C14orf132: variants seen among roughly 807,000 people sequenced by gnomAD.
The protein encoded by C14orf132 is chromosome 14 open reading frame 132.
C14orf132 carries 6 observed loss-of-function variants against 5.8 expected under a neutral mutation model. The observed-to-expected ratio is 1.03, with a 90% CI of 0.57 to 2.04. The LOEUF (loss-of-function observed/expected upper bound fraction) is 2.04, where lower values mean the gene tolerates loss of function less well. Ranked by LOEUF, C14orf132 falls within the 30% of genes most tolerant of loss-of-function variation. C14orf132 has a pLI of 0.00. For missense variants in C14orf132, 125 were observed against 115.8 expected (o/e 1.08, Z -0.37); for synonymous variants, 51 against 49.8 (o/e 1.02, Z -0.10).
Position 96,039,521 on chromosome 14 carries a change from C to A in C14orf132, c.21C>A (p.Ala7=), listed in dbSNP as rs1437677691. 6.7e-7 allele frequency: 1 copy of A among 1,502,776 alleles called. No homozygotes were observed. Among genetic ancestry groups the A allele is most frequent in the Non-Finnish European group, 8.9e-7 (1 of 1,129,710 alleles). The allele number at this position is 1,502,776 out of a possible 1,614,324, so 93.1% of individuals were successfully genotyped here. The part of the protein sequence containing the change: MDLSFM[A]AQLPMMGGAF... ...ACACCATGGATCTCTCCTTTATGGC[C>A]GCGCAGGTAACGGGGCGTCCCCCCC... is the stretch of plus-strand genomic sequence containing the variant. Residue 7 remains alanine, a synonymous_variant, in exon 1 of 2, where the codon GCC becomes GCA. Transcript: ENST00000555004. The surrounding 1 kb of genome is among the most constrained non-coding windows in gnomAD (Gnocchi z 5.3).
intron 1 of C14orf132, among the ~76,000 whole-genome samples, chr14:96,061,691 G>A (rs925400684): frequency 2.0e-5 from 3 of 152,186 alleles, no homozygotes; most frequent in Non-Finnish European, 4.4e-5. Flanking sequence ...TTGGGAGGCT[G>A]AGGCAGAAGG....
intron 1 of C14orf132, among the ~76,000 whole-genome samples, chr14:96,059,829 T>G (rs1230956380): frequency 2.0e-5 from 3 of 152,240 alleles, no homozygotes; most frequent in African/African-American, 7.2e-5. Flanking sequence ...AGCTTTCTCC[T>G]GCTGAGGGTC....
At chr14:96,048,727 T>C (rs1484366934) in intron 1 of C14orf132, among the ~76,000 whole-genome samples, 1 of 152,040 alleles carries the variant, frequency 6.6e-6, no homozygotes, top group Non-Finnish European at 1.5e-5. Context: ...GGTTTTACCA[T>C]GTTGGCCAGG....
At chr14:96,049,166 C>A (rs1886922471) in intron 1 of C14orf132, among the ~76,000 whole-genome samples, 1 of 152,040 alleles carries the variant, frequency 6.6e-6, no homozygotes, top group South Asian at 2.1e-4. Flanking sequence ...CTAATCCCAG[C>A]ACTTTGGGAG....
intron 1 of C14orf132, among the ~76,000 whole-genome samples, chr14:96,048,506 A>T (rs1382947998): frequency 6.6e-6 from 1 of 151,782 alleles, no homozygotes; most frequent in Non-Finnish European, 1.5e-5. Context: ...AGCTTTTTCT[A>T]TTTTATTTTT....
intron 1 of C14orf132, among the ~76,000 whole-genome samples, chr14:96,078,230 C>T (rs537853223): frequency 1.3e-5 from 2 of 152,354 alleles, no homozygotes; most frequent in Non-Finnish European, 2.9e-5. Context: ...CTGCTGCCAT[C>T]GCAACCGTGG....
chr14:96,049,605 T>C (rs10150504), intron 1 of C14orf132, among the ~76,000 whole-genome samples: 1 of 117,630 alleles, frequency 8.5e-6, no homozygotes, highest in African/African-American at 3.3e-5. Context: ...TATACGTATA[T>C]ATATACATAT....
chr14:96,048,813 A>C (rs1008754386), intron 1 of C14orf132, among the ~76,000 whole-genome samples: 12 of 152,184 alleles, frequency 7.9e-5, no homozygotes, highest in South Asian at 2.1e-4. Flanking sequence ...GGTGTGAGCC[A>C]CCACGCCCAG....
chr14:96,039,524 G>T lies in C14orf132; in HGVS notation c.24G>T (p.Ala8=). The T allele has an allele frequency of 1.3e-6, 2 of 1,502,254 alleles. No individual in the cohort carries two copies. Among genetic ancestry groups the T allele is most frequent in the Admixed American group, 4.2e-5 (2 of 48,030 alleles). 93.1% of individuals were successfully genotyped at this position (1,502,254 alleles called of 1,614,324 possible). Residue 8 remains alanine, a synonymous_variant, in exon 1 of 2, where the codon GCG becomes GCT. Transcript: ENST00000555004. The surrounding 1 kb of genome is among the most constrained non-coding windows in gnomAD (Gnocchi z 5.3). The part of the protein sequence containing the change: MDLSFMA[A]QLPMMGGAFM... ...CCATGGATCTCTCCTTTATGGCCGC[G>T]CAGGTAACGGGGCGTCCCCCCCACG...
intron 1 of C14orf132, chr14:96,040,150 C>A (rs1292567162): frequency 7.4e-6 from 1 of 134,478 alleles, no homozygotes; most frequent in Non-Finnish European, 1.6e-5. Context: ...CTCCCCGACA[C>A]AAACAGGCTC....
At chr14:96,043,199 G>T (rs924242583) in intron 1 of C14orf132, among the ~76,000 whole-genome samples, 2 of 152,130 alleles carry the variant, frequency 1.3e-5, no homozygotes, top group Non-Finnish European at 2.9e-5. Context: ...ACATTCTGTG[G>T]CCAAGTCCTA....
At chr14:96,076,423 T>C (rs1887868411) in intron 1 of C14orf132, among the ~76,000 whole-genome samples, 2 of 152,234 alleles carry the variant, frequency 1.3e-5, no homozygotes, top group Admixed American at 1.3e-4. Context: ...TTTATTGAGT[T>C]TTGTTCTTAT....
At position 96,070,393 on chromosome 14, in the gene C14orf132, C is replaced by T. The variant is rs575666117; in HGVS notation, c.28-16118C>T. On this transcript the variant is annotated intron_variant, in intron 1 of 1. Coordinates refer to ENST00000555004, the MANE Select transcript of C14orf132 (RefSeq NM_001252507.3). The stretch of plus-strand genomic sequence containing the variant: ...CTTTCTGGAGACGGTTACCTATCAC[C>T]GCCTCATTCTTCTCCTTCTGCACCG... Among the ~76,000 whole-genome samples the T allele has an allele frequency of 5.9e-5, 9 of 152,214 alleles. No individual in the cohort carries two copies. In the East Asian group the frequency reaches 9.7e-4, roughly 16 times the overall value.
chr14:96,082,190 C>G (rs1001132457), intron 1 of C14orf132, among the ~76,000 whole-genome samples: 1 of 152,174 alleles, frequency 6.6e-6, no homozygotes, highest in Non-Finnish European at 1.5e-5. Context: ...CCACCCTTGC[C>G]CACTGGCGTG....
In C14orf132 at chr14:96,054,888, A is replaced by G. The variant is rs978960809; in HGVS notation, c.27+15361A>G. ...CACTAATGTGGCCAGTGAGGGCCAA[A>G]TCTTGCCTTGTCTAATGCAAAACCT... is the stretch of plus-strand genomic sequence containing the variant. On this transcript the variant is annotated intron_variant, in intron 1 of 1. Coordinates refer to ENST00000555004, the MANE Select transcript of C14orf132 (RefSeq NM_001252507.3). 2.0e-5 allele frequency among the ~76,000 whole-genome samples: 3 copies of G among 152,186 alleles called. 1 individual carries two copies. Among genetic ancestry groups the G allele is most frequent in the Admixed American group, 2.0e-4 (3 of 15,278 alleles).
In C14orf132 at chr14:96,039,368, C is replaced by A; in HGVS notation, c.-133C>A. 1 of 900,296 alleles carries A rather than the reference C, an allele frequency of 1.1e-6. No individual in the cohort carries two copies. The highest frequency in any genetic ancestry group is 3.8e-5 in the Admixed American group (1 of 26,222). 55.8% of individuals were successfully genotyped at this position (900,296 alleles called of 1,614,324 possible). A position where few individuals can be genotyped will look rare whatever the true frequency, so the allele number is the denominator to read the frequency against. Reference sequence around the variant, plus strand: ...CTAGTAGAGATCTGGAGCCAGAAGCCCAGAGACAGCCGAGTGCGCCGTGCG... The same window carrying A: ...CTAGTAGAGATCTGGAGCCAGAAGCACAGAGACAGCCGAGTGCGCCGTGCG... On this transcript the variant is annotated 5_prime_UTR_variant, in exon 1 of 2. Coordinates refer to ENST00000555004, the MANE Select transcript of C14orf132 (RefSeq NM_001252507.3). This position sits in a 1 kb window ranked among gnomAD's most constrained non-coding sequence, Gnocchi z 5.3.
rs903097632 is a variant in C14orf132, at chr14:96,089,027, T to C, written c.*2292T>C. 1.3e-5 allele frequency: 2 copies of C among 152,276 alleles called. No homozygotes were observed. Among genetic ancestry groups the C allele is most frequent in the African/African-American group, 2.4e-5 (1 of 41,470 alleles). 9.4% of individuals were successfully genotyped at this position (152,276 alleles called of 1,614,324 possible). The stretch of plus-strand genomic sequence containing the variant: ...CCAGGGCATTGGAGGCCTCGACCAC[T>C]CTGCATTGCAGATTACAGTGACTTC... On this transcript the variant is annotated 3_prime_UTR_variant, in exon 2 of 2. Coordinates refer to ENST00000555004, the MANE Select transcript of C14orf132 (RefSeq NM_001252507.3).
At chr14:96,054,707 T>A (rs777373432) in intron 1 of C14orf132, among the ~76,000 whole-genome samples, 5 of 152,200 alleles carry the variant, frequency 3.3e-5, no homozygotes, top group Non-Finnish European at 5.9e-5. Context: ...AATGTAGCCA[T>A]TTTCCTCAAC....
chr14:96,086,401 A>T, intron 1 of C14orf132, 110 bp from the exon 2 acceptor site: 1 of 910,946 alleles, frequency 1.1e-6, no homozygotes, highest in Non-Finnish European at 1.7e-6. Flanking sequence ...CAGGTGCAGT[A>T]GAGATCGTAG....
Sources: gnomAD v4.1 joint callset for allele counts (sites outside exome capture counted in the v4.1 genomes callset) on GRCh38, gnomAD v4.1.1 for gene constraint, Gnocchi (gnomAD v3.1) non-coding constraint, MANE v1.5 for transcripts, NCBI Gene and HGNC (gene_info 2026-07-23, HGNC 2026-07-21) for gene names.